Variants in DIP2A observed in about 807,000 individuals in gnomAD.
The protein encoded by DIP2A is disco-interacting protein 2 homolog A.
Under a neutral mutation model 177.4 loss-of-function variants are expected in DIP2A, and 85 were observed. That is an observed-to-expected ratio of 0.48 (90% CI 0.40 to 0.57). DIP2A has a LOEUF of 0.57. DIP2A is among the 20% of genes least tolerant of loss of function. The probability of loss-of-function intolerance (pLI) is 0.00; values close to 1 mark genes in which losing one functional copy is unlikely to be tolerated. For synonymous variants in DIP2A, 886 were observed against 881.8 expected (o/e 1.00, Z -0.08); for missense variants, 1,791 against 2,100.2 (o/e 0.85, Z 2.88).
At chr21:46,571,739 A>C (rs2148934778), downstream of DIP2A, among the ~76,000 whole-genome samples, 1 of 152,304 alleles carries the variant, frequency 6.6e-6, no homozygotes, top group East Asian at 1.9e-4. Flanking sequence ...TGATTTTTGC[A>C]CATTGATTTT....
chr21:46,495,096 G>A (rs2057228851), intron 3 of DIP2A, among the ~76,000 whole-genome samples: 1 of 152,054 alleles, frequency 6.6e-6, no homozygotes, highest in Non-Finnish European at 1.5e-5. Flanking sequence ...AATCTATTCA[G>A]ATTCAGAACT....
At chr21:46,528,020 A>G (rs1272333899) in intron 8 of DIP2A, among the ~76,000 whole-genome samples, 2 of 152,078 alleles carry the variant, frequency 1.3e-5, no homozygotes, top group African/African-American at 4.8e-5. Flanking sequence ...CAGCTGCGCC[A>G]GGAGGGGTGT....
At chr21:46,540,212 C>T (rs888628951) in intron 17 of DIP2A, among the ~76,000 whole-genome samples, 2 of 152,120 alleles carry the variant, frequency 1.3e-5, no homozygotes, top group South Asian at 4.1e-4. Context: ...TGCCGGCTTG[C>T]GATTTTCCTG....
intron 34 of DIP2A, among the ~76,000 whole-genome samples, chr21:46,562,931 C>G (rs1394308163): frequency 6.6e-6 from 1 of 152,218 alleles, no homozygotes; most frequent in Non-Finnish European, 1.5e-5. Context: ...TTCCCTGGGT[C>G]ATGGGGCCTC....
downstream of DIP2A, among the ~76,000 whole-genome samples, chr21:46,573,955 A>T (rs1434001839): frequency 6.6e-6 from 1 of 152,158 alleles, no homozygotes; most frequent in African/African-American, 2.4e-5. Flanking sequence ...GAACAATAAG[A>T]CATAAGTAAG....
chr21:46,494,382 G>A (rs1408526895), intron 3 of DIP2A, among the ~76,000 whole-genome samples: 1 of 152,226 alleles, frequency 6.6e-6, no homozygotes, highest in African/African-American at 2.4e-5. Flanking sequence ...TTACAAGACT[G>A]TCATGGGTGG....
chr21:46,543,363 T>C (rs2059896825), intron 18 of DIP2A, among the ~76,000 whole-genome samples: 1 of 152,204 alleles, frequency 6.6e-6, no homozygotes, highest in African/African-American at 2.4e-5. Context: ...GCGCGTTTTA[T>C]TTGTAAAATG....
In DIP2A at chr21:46,557,711, G is replaced by C; in HGVS notation, c.3756G>C (p.Glu1252Asp). Residue 1252 changes from glutamate (E) to aspartate (D), a missense_variant, in exon 31 of 38, where the codon GAG becomes GAC. Glu to Asp is a conservative substitution (Grantham distance 45). Coordinates refer to ENST00000417564, the MANE Select transcript of DIP2A (RefSeq NM_015151.4). This position sits in a 1 kb window ranked among gnomAD's most constrained non-coding sequence, Gnocchi z 6.0. ...CCTTCTGCTCCTACTCTGTGATGGA[G>C]ATGTGCACCAAGGGCCTAGGCGCAC... ...RVTFCSYSVMEMCTKGLGAQT... is the reference protein window; with the variant it reads ...RVTFCSYSVMDMCTKGLGAQT... 1 of 1,613,418 alleles carries C rather than the reference G, an allele frequency of 6.2e-7. No individual in the cohort carries two copies. Among genetic ancestry groups the C allele is most frequent in the Admixed American group, 1.7e-5 (1 of 59,998 alleles).
chr21:46,549,441 AAATAT>A (rs768285294), intron 21 of DIP2A, among the ~76,000 whole-genome samples: 18 of 152,362 alleles, frequency 1.2e-4, no homozygotes, highest in South Asian at 2.1e-4. Context: ...TGGATTAAAA[AAATAT>A]AATAAATAGA....
At chr21:46,582,682 A>G in the DIP2A span, among the ~76,000 whole-genome samples, 1 of 151,570 alleles carries the variant, frequency 6.6e-6, no homozygotes, top group Admixed American at 6.6e-5. Context: ...CCTCAGCTGA[A>G]GGTGCAGGAT....
At chr21:46,547,115 A>G in intron 21 of DIP2A, 73 bp downstream of exon 21, 4 of 1,564,992 alleles carry the variant, frequency 2.6e-6, no homozygotes, top group Non-Finnish European at 2.6e-6. Flanking sequence ...TGTGCAGTAG[A>G]TGGAAAGCCC....
At chr21:46,574,714 T>C (rs969640087), downstream of DIP2A, among the ~76,000 whole-genome samples, 1 of 152,118 alleles carries the variant, frequency 6.6e-6, no homozygotes, top group Non-Finnish European at 1.5e-5. Flanking sequence ...ATAGACAAGT[T>C]CCTAAAAACA....
intron 2 of DIP2A, 41 bp downstream of exon 2, chr21:46,484,869 G>C: frequency 6.7e-7 from 1 of 1,482,186 alleles, no homozygotes; most frequent in Non-Finnish European, 9.0e-7. Context: ...CAATTATATT[G>C]TTTCATAACA....
chr21:46,507,877 C>G (rs28830782), intron 6 of DIP2A, among the ~76,000 whole-genome samples: 1 of 149,776 alleles, frequency 6.7e-6, no homozygotes, highest in Non-Finnish European at 1.5e-5. Context: ...ATTTTTTTTT[C>G]TTTACTACAG....
intron 8 of DIP2A, among the ~76,000 whole-genome samples, chr21:46,521,519 C>T (rs2058824481): frequency 6.6e-6 from 1 of 152,170 alleles, no homozygotes; most frequent in South Asian, 2.1e-4. Flanking sequence ...TATAAAAATC[C>T]TGCTCAAGGG....
intron 9 of DIP2A, among the ~76,000 whole-genome samples, chr21:46,531,827 CAACA>C (rs1338729119): frequency 2.6e-5 from 4 of 152,224 alleles, no homozygotes; most frequent in Non-Finnish European, 1.5e-5. Flanking sequence ...TTGCCCTTTT[CAACA>C]AACAAACTTG....
Position 46,509,278 on chromosome 21 carries a change from T to A in DIP2A, c.806T>A (p.Val269Glu). The A allele has an allele frequency of 1.2e-6, 2 of 1,613,524 alleles. No individual in the cohort carries two copies. The highest frequency in any genetic ancestry group is 1.7e-6 in the Non-Finnish European group (2 of 1,179,704). ...ACAGGTGTCCCTGTGAACAGCAGAG[T>A]GTCCTCCAAAATCCAGCAGCTTCTG... is the stretch of plus-strand genomic sequence containing the variant. ...TADGVPVNSR[V>E]SSKIQQLLNT... Residue 269 changes from valine (V) to glutamate (E), a missense_variant, in exon 7 of 38, where the codon GTG becomes GAG. Coordinates refer to ENST00000417564, the MANE Select transcript of DIP2A (RefSeq NM_015151.4).
At chr21:46,532,011 C>A in intron 9 of DIP2A, 116 bp from the exon 10 acceptor site, 2 of 930,398 alleles carry the variant, frequency 2.1e-6, no homozygotes, top group Non-Finnish European at 3.2e-6. Flanking sequence ...TGGTTTCAAG[C>A]ACAATTATTA....
At chr21:46,462,487 C>T (rs1045536583) in intron 1 of DIP2A, 1 of 152,158 alleles carries the variant, frequency 6.6e-6, no homozygotes, top group Non-Finnish European at 1.5e-5. Context: ...TGTCAAGATT[C>T]AGTCACATAG....
Sources: gnomAD v4.1 joint callset for allele counts (sites outside exome capture counted in the v4.1 genomes callset) on GRCh38, gnomAD v4.1.1 for gene constraint, Gnocchi (gnomAD v3.1) non-coding constraint, MANE v1.5 for transcripts, NCBI Gene and HGNC (gene_info 2026-07-23, HGNC 2026-07-21) for gene names.